Variants in RFX3 observed in about 807,000 individuals in gnomAD.
RFX3 encodes the protein transcription factor RFX3.
In RFX3, 14 loss-of-function variants were observed where a neutral mutation model predicts 98.6. The observed-to-expected ratio is 0.14, with a 90% CI of 0.09 to 0.22. The LOEUF (loss-of-function observed/expected upper bound fraction) is 0.22, where lower values mean the gene tolerates loss of function less well. RFX3 is among the 10% of genes least tolerant of loss of function. RFX3 has a pLI of 1.00. For missense variants in RFX3, 639 were observed against 926.9 expected, an observed-to-expected ratio of 0.69 and a Z score of 4.03; for synonymous variants, 383 against 328.4, an observed-to-expected ratio of 1.17 and a Z score of -1.80.
intron 1 of RFX3, among the ~76,000 whole-genome samples, chr9:3,442,970 C>T (rs1170621950): frequency 1.3e-5 from 2 of 152,122 alleles, no homozygotes; most frequent in African/African-American, 4.8e-5. Context: ...GCTCTGCAAA[C>T]ATATATCCAA....
At chr9:3,452,221 T>C (rs1846708531) in intron 1 of RFX3, 1 of 168,836 alleles carries the variant, frequency 5.9e-6, no homozygotes, top group Admixed American at 5.9e-5. Context: ...GCTTGGCCCA[T>C]TCAGATGTCA....
At chr9:3,440,421 T>A (rs1845515122) in intron 1 of RFX3, among the ~76,000 whole-genome samples, 2 of 152,044 alleles carry the variant, frequency 1.3e-5, no homozygotes, top group Admixed American at 1.3e-4. Context: ...AATATTTAAA[T>A]CCATTGTATA....
At chr9:3,356,843 A>T (rs1835826847) in intron 2 of RFX3, among the ~76,000 whole-genome samples, 1 of 151,982 alleles carries the variant, frequency 6.6e-6, no homozygotes, top group East Asian at 1.9e-4. Context: ...CCACAAATAC[A>T]ATCCACCATA....
chr9:3,463,474 A>G (rs1847900178), intron 1 of RFX3, among the ~76,000 whole-genome samples: 2 of 152,130 alleles, frequency 1.3e-5, no homozygotes, highest in Non-Finnish European at 2.9e-5. Context: ...CACAAAAAGC[A>G]CAAAGGAAAA....
chr9:3,345,447 A>G (rs1834350497), intron 3 of RFX3, among the ~76,000 whole-genome samples: 1 of 152,174 alleles, frequency 6.6e-6, no homozygotes, highest in Non-Finnish European at 1.5e-5. Context: ...GTTAGGCAGT[A>G]GTGATGTGGG....
At chr9:3,411,117 G>A (rs958213008) in intron 1 of RFX3, among the ~76,000 whole-genome samples, 7 of 152,126 alleles carry the variant, frequency 4.6e-5, no homozygotes, top group African/African-American at 1.7e-4. Flanking sequence ...GATCCATGGA[G>A]CCACTTTTCT....
rs12338746 is a variant in RFX3, at chr9:3,351,570, G to T, written c.118-4806C>A. Among the ~76,000 whole-genome samples, 3 of 151,636 alleles carry T rather than the reference G, an allele frequency of 2.0e-5. No homozygotes were observed. The South Asian group carries it at 6.2e-4, about 31-fold the overall frequency. ...TATAATTGAATAAATAGTTTGCAAC[G>T]TACTTAATAAGGTATAGTATCCCAC... On this transcript the variant is annotated intron_variant, in intron 2 of 16. Coordinates refer to ENST00000617270, the MANE Select transcript of RFX3 (RefSeq NM_001282116.2).
intron 15 of RFX3, among the ~76,000 whole-genome samples, chr9:3,242,153 T>A (rs1312205697): frequency 6.6e-6 from 1 of 152,188 alleles, no homozygotes; most frequent in African/African-American, 2.4e-5. Flanking sequence ...ACTTGCTAGT[T>A]TTGATTTGGG....
chr9:3,402,507 T>A (rs184596298), intron 1 of RFX3, among the ~76,000 whole-genome samples: 3 of 152,192 alleles, frequency 2.0e-5, no homozygotes, highest in African/African-American at 7.2e-5. Context: ...TATTCAAGAA[T>A]AACTTATTTA....
chr9:3,349,760 T>G (rs1159016830), intron 2 of RFX3, among the ~76,000 whole-genome samples: 1 of 152,078 alleles, frequency 6.6e-6, no homozygotes, highest in African/African-American at 2.4e-5. Context: ...TTATACACAC[T>G]GTTCTGAACC....
chr9:3,247,920 G>C (rs767929773), intron 15 of RFX3, 112 bp downstream of exon 15: 1 of 1,612,282 alleles, frequency 6.2e-7, no homozygotes, highest in Non-Finnish European at 8.5e-7. Context: ...CTGGCTCTGA[G>C]GCTGACTTGG....
chr9:3,480,835 A>G (rs1472620224), intron 1 of RFX3, among the ~76,000 whole-genome samples: 2 of 152,056 alleles, frequency 1.3e-5, no homozygotes, highest in African/African-American at 2.4e-5. Context: ...AGAATAAATA[A>G]GAGCTTTGAA....
chr9:3,368,488 A>G (rs1837457433), intron 2 of RFX3, among the ~76,000 whole-genome samples: 1 of 152,234 alleles, frequency 6.6e-6, no homozygotes, highest in Non-Finnish European at 1.5e-5. Context: ...TAAGTTTTAG[A>G]ATCTTAAAAA....
rs532504177 is a variant in RFX3, at chr9:3,504,501, T to C, written c.-9+21246A>G. On this transcript the variant is annotated intron_variant, in intron 1 of 16. Coordinates refer to ENST00000617270, the MANE Select transcript of RFX3 (RefSeq NM_001282116.2). ...TATATAAAATATATATTATATGCCA[T>C]ATGGTATATATTGCATATAAAATAT... is the stretch of plus-strand genomic sequence containing the variant. Among the ~76,000 whole-genome samples, 95 of 124,270 alleles carry C rather than the reference T, an allele frequency of 7.6e-4. 4 individuals carry two copies. The highest frequency in any genetic ancestry group is 1.0e-3 in the African/African-American group (34 of 32,420). 81.5% of individuals were successfully genotyped at this position (124,270 alleles called of 152,430 possible).
chr9:3,347,298 G>A (rs961557444), intron 2 of RFX3, among the ~76,000 whole-genome samples: 2 of 151,634 alleles, frequency 1.3e-5, no homozygotes, highest in Non-Finnish European at 2.9e-5. Context: ...TCCAGCCTGG[G>A]TGACAGAGTG....
chr9:3,351,580 A>G (rs1835133432), intron 2 of RFX3, among the ~76,000 whole-genome samples: 1 of 151,970 alleles, frequency 6.6e-6, no homozygotes, highest in Non-Finnish European at 1.5e-5. Context: ...GTACTTAATA[A>G]GGTATAGTAT....
At position 3,389,000 on chromosome 9, in the gene RFX3, C is replaced by T. The variant is rs540485250; in HGVS notation, c.117+6472G>A. On this transcript the variant is annotated intron_variant, in intron 2 of 16. Coordinates refer to ENST00000617270, the MANE Select transcript of RFX3 (RefSeq NM_001282116.2). ...TGCAAAGGCAGTTAAAACTGAAAAACTTAAAAGGGAGGAAAAAAATCTTAG... is the reference window on the plus strand; with the variant it reads ...TGCAAAGGCAGTTAAAACTGAAAAATTTAAAAGGGAGGAAAAAAATCTTAG... Among the ~76,000 whole-genome samples the T allele has an allele frequency of 1.1e-4, 16 of 152,092 alleles. No individual in the cohort carries two copies. The South Asian group carries it at 3.3e-3, about 32-fold the overall frequency.
At chr9:3,408,345 A>G (rs1457307050) in intron 1 of RFX3, among the ~76,000 whole-genome samples, 1 of 152,112 alleles carries the variant, frequency 6.6e-6, no homozygotes, top group Non-Finnish European at 1.5e-5. Flanking sequence ...CCTGCAGTAC[A>G]ACCAACATCT....
At chr9:3,396,095 T>A (rs1840837293) in intron 1 of RFX3, among the ~76,000 whole-genome samples, 2 of 152,040 alleles carry the variant, frequency 1.3e-5, no homozygotes, top group Admixed American at 1.3e-4. Context: ...ATGTGCAGGT[T>A]AGTTACATAT....
Sources: gnomAD v4.1 joint callset for allele counts (sites outside exome capture counted in the v4.1 genomes callset) on GRCh38, gnomAD v4.1.1 for gene constraint, MANE v1.5 for transcripts, NCBI Gene and HGNC (gene_info 2026-07-23, HGNC 2026-07-21) for gene names.